The following GRIN2A variants were observed in gnomAD, a reference collection of about 807,000 sequenced individuals.
GRIN2A encodes the protein glutamate receptor ionotropic, NMDA 2A.
A neutral mutation model predicts 113.4 loss-of-function variants in GRIN2A; 22 were observed. The ratio of observed to expected loss-of-function variants is 0.19; its 90% CI spans 0.14 to 0.28. The LOEUF is 0.28. GRIN2A is among the 10% of genes least tolerant of loss of function. GRIN2A has a pLI of 1.00. For missense variants in GRIN2A, 1,502 were observed against 1,887.0 expected, an observed-to-expected ratio of 0.80 and a Z score of 3.78; for synonymous variants, 827 against 738.4, an observed-to-expected ratio of 1.12 and a Z score of -1.94.
In GRIN2A at chr16:10,180,713, C is replaced by A. The variant is rs2050251721; in HGVS notation, c.-18-284G>T. The A allele has an allele frequency of 3.6e-6, 2 of 554,264 alleles. No homozygotes were observed. The highest frequency in any genetic ancestry group is 6.5e-6 in the Non-Finnish European group (2 of 308,964). 34.3% of individuals were successfully genotyped at this position (554,264 alleles called of 1,614,324 possible). ...TCCAGGCACTTCCCCATCCCCATCT[C>A]TGTCCATATCCCCCACCGCATTCCC... On this transcript the variant is annotated intron_variant, in intron 1 of 12. Coordinates refer to ENST00000330684, the MANE Select transcript of GRIN2A (RefSeq NM_001134407.3). This position sits in a 1 kb window ranked among gnomAD's most constrained non-coding sequence, Gnocchi z 7.0.
chr16:10,152,765 G>C (rs930622212), intron 2 of GRIN2A, among the ~76,000 whole-genome samples: 1 of 152,182 alleles, frequency 6.6e-6, no homozygotes, highest in Non-Finnish European at 1.5e-5. Flanking sequence ...CAAAAAGGAA[G>C]TGTGACATCA....
intron 2 of GRIN2A, among the ~76,000 whole-genome samples, chr16:10,064,564 C>A (rs1018279683): frequency 1.3e-5 from 2 of 152,196 alleles, no homozygotes; most frequent in African/African-American, 4.8e-5. Flanking sequence ...CTTTTATGAT[C>A]CAGGTCTCCT....
chr16:9,967,689 G>A (rs1423651041), intron 2 of GRIN2A, among the ~76,000 whole-genome samples: 2 of 152,060 alleles, frequency 1.3e-5, no homozygotes, highest in Non-Finnish European at 2.9e-5. Flanking sequence ...CTGGGCGACA[G>A]AGCGAGACTC....
rs886043129 is a variant in GRIN2A, at chr16:9,763,731, C to T, written c.3813G>A (p.Trp1271Ter). 6.2e-7 allele frequency: 1 copy of T among 1,614,068 alleles called. No individual in the cohort carries two copies. Among genetic ancestry groups the T allele is most frequent in the Non-Finnish European group, 8.5e-7 (1 of 1,180,008 alleles). ...GTAATTGAAGGGCATTGTTCTGTGC[C>T]CAGTCCTGCTGGTAGACCTGCTCCC... ...ATGEQVYQQD[W>*]AQNNALQLQK... Residue 1271 changes from tryptophan to a stop codon, truncating the protein, a stop_gained, in exon 13 of 13, where the codon TGG (tryptophan) becomes TGA (stop). Coordinates refer to ENST00000330684, the MANE Select transcript of GRIN2A (RefSeq NM_001134407.3). LOFTEE classifies it high-confidence loss of function.
At chr16:9,978,418 A>G (rs1463452594) in intron 2 of GRIN2A, among the ~76,000 whole-genome samples, 1 of 152,280 alleles carries the variant, frequency 6.6e-6, no homozygotes, top group South Asian at 2.1e-4. Context: ...GATGATTAAC[A>G]TGAGTATGGA....
At chr16:9,956,267 T>A (rs61557597) in intron 2 of GRIN2A, among the ~76,000 whole-genome samples, 2 of 152,322 alleles carry the variant, frequency 1.3e-5, no homozygotes, top group African/African-American at 2.4e-5. Context: ...ACTTAAAAAA[T>A]TTTAAACCTC....
At position 9,784,441 on chromosome 16, in the gene GRIN2A, C is replaced by CAA. The variant is rs71400493; in HGVS notation, c.2356+13834_2356+13835dup. The stretch of plus-strand genomic sequence containing the variant: ...GCAAAACTCTAACAACAACAACAAC[C>CAA]AAAAAAAAAAAACAAACAAACAAAA... On this transcript the variant is annotated intron_variant, in intron 11 of 12. Coordinates refer to ENST00000330684, the MANE Select transcript of GRIN2A (RefSeq NM_001134407.3). Among the ~76,000 whole-genome samples, 807 of 126,572 alleles carry CAA rather than the reference C, an allele frequency of 6.4e-3. 8 individuals are homozygous for CAA. The highest frequency in any genetic ancestry group is 0.024 in the African/African-American group (766 of 32,522). The allele number at this position is 126,572 out of a possible 152,430, so 83.0% of individuals were successfully genotyped here. A position where few individuals can be genotyped will look rare whatever the true frequency, so the allele number is the denominator to read the frequency against.
intron 3 of GRIN2A, among the ~76,000 whole-genome samples, chr16:9,931,243 G>A (rs1033798630): frequency 6.6e-6 from 1 of 152,148 alleles, no homozygotes; most frequent in African/African-American, 2.4e-5. Flanking sequence ...GAACTGAAAT[G>A]CACTTCCATT....
intron 2 of GRIN2A, among the ~76,000 whole-genome samples, chr16:10,082,698 CCT>C (rs1201026854): frequency 6.6e-6 from 1 of 152,120 alleles, no homozygotes; most frequent in Admixed American, 6.5e-5. Context: ...CTTTGAGTGG[CCT>C]CCTCATTTCC....
chr16:10,053,830 T>C (rs1020504728), intron 2 of GRIN2A, among the ~76,000 whole-genome samples: 6 of 152,150 alleles, frequency 3.9e-5, no homozygotes, highest in Admixed American at 3.3e-4. Flanking sequence ...TATATTTGAA[T>C]ATGGAATGAC....
At chr16:9,878,761 C>T (rs578071737) in intron 4 of GRIN2A, among the ~76,000 whole-genome samples, 47 of 152,116 alleles carry the variant, frequency 3.1e-4, no homozygotes, top group Non-Finnish European at 5.6e-4. Flanking sequence ...TGCAGGAGAG[C>T]GCCTGTTCAA....
At chr16:9,905,574 T>G (rs1034252499) in intron 3 of GRIN2A, among the ~76,000 whole-genome samples, 1 of 152,238 alleles carries the variant, frequency 6.6e-6, no homozygotes, top group African/African-American at 2.4e-5. Flanking sequence ...AATATTCATG[T>G]TCCTTCCTCT....
intron 2 of GRIN2A, among the ~76,000 whole-genome samples, chr16:10,158,026 A>G (rs1177898832): frequency 6.6e-6 from 1 of 151,888 alleles, no homozygotes; most frequent in African/African-American, 2.4e-5. Context: ...ATTTTTTGAG[A>G]CAGGATCTCA....
chr16:9,798,157 A>G (rs1903115059), intron 11 of GRIN2A, 120 bp downstream of exon 11: 1 of 799,270 alleles, frequency 1.3e-6, no homozygotes, highest in Non-Finnish European at 2.1e-6. Flanking sequence ...ACAGGAACTC[A>G]GTAAATATTT....
chr16:10,163,428 G>A (rs1375256371), intron 2 of GRIN2A, among the ~76,000 whole-genome samples: 2 of 152,316 alleles, frequency 1.3e-5, no homozygotes, highest in Non-Finnish European at 2.9e-5. Context: ...GCCATCCTGT[G>A]TCCTTTTCTA....
At chr16:9,824,355 C>G (rs2042347063) in intron 9 of GRIN2A, among the ~76,000 whole-genome samples, 1 of 152,240 alleles carries the variant, frequency 6.6e-6, no homozygotes, top group South Asian at 2.1e-4. Context: ...TGGCAGCCGC[C>G]TGCTCGGGAG....
At chr16:10,055,290 C>T (rs533891043) in intron 2 of GRIN2A, among the ~76,000 whole-genome samples, 1 of 151,910 alleles carries the variant, frequency 6.6e-6, no homozygotes, top group African/African-American at 2.4e-5. Flanking sequence ...CAGGCTTCAG[C>T]AGCATCTTTA....
intron 2 of GRIN2A, among the ~76,000 whole-genome samples, chr16:9,952,171 T>C (rs959791929): frequency 1.3e-5 from 2 of 152,000 alleles, no homozygotes; most frequent in Non-Finnish European, 2.9e-5. Flanking sequence ...GCCACAGAGC[T>C]CAACCCACCC....
At chr16:10,177,943 G>C (rs999114747) in intron 2 of GRIN2A, among the ~76,000 whole-genome samples, 2 of 152,178 alleles carry the variant, frequency 1.3e-5, no homozygotes, top group East Asian at 3.8e-4. Flanking sequence ...CTGAGACTTA[G>C]AAGTAAGAGC....
Sources: allele counts gnomAD v4.1 joint callset (sites outside exome capture counted in the v4.1 genomes callset), GRCh38; gene constraint gnomAD v4.1.1; non-coding constraint Gnocchi (gnomAD v3.1); transcripts MANE v1.5; gene names NCBI Gene and HGNC (gene_info 2026-07-23, HGNC 2026-07-21).